RBFOX1: variants seen among roughly 807,000 people sequenced by gnomAD.
RBFOX1 encodes the protein RNA binding fox-1 homolog 1.
A neutral mutation model predicts 57.7 loss-of-function variants in RBFOX1; 8 were observed. The ratio of observed to expected loss-of-function variants is 0.14; its 90% confidence interval spans 0.08 to 0.25. The LOEUF is 0.25. RBFOX1 is among the 10% of genes least tolerant of loss of function. The pLI, the probability that RBFOX1 is intolerant of heterozygous loss-of-function variation, is 1.00. For synonymous variants in RBFOX1, 326 were observed against 222.4 expected (o/e 1.47, Z -4.15); for missense variants, 611 against 548.5 (o/e 1.11, Z -1.14).
chr16:7,063,691 A>G (rs1039408750), intron 4 of RBFOX1, among the ~76,000 whole-genome samples: 6 of 151,812 alleles, frequency 4.0e-5, no homozygotes, highest in Non-Finnish European at 7.4e-5. Flanking sequence ...CTGTGCTTCA[A>G]ATATATTTAG....
intron 1 of RBFOX1, among the ~76,000 whole-genome samples, chr16:5,370,930 G>C (rs1010317022): frequency 3.3e-5 from 5 of 152,176 alleles, no homozygotes; most frequent in Admixed American, 1.3e-4. Flanking sequence ...AAATTCACAT[G>C]TTGAATCCCT....
chr16:5,961,405 G>C lies in RBFOX1; in HGVS notation c.351+94070G>C, dbSNP rs527790956. On this transcript the variant is annotated intron_variant, in intron 4 of 19. Transcript: ENST00000641259. ...GCCAGAACCTAAATTCGGGTGGTGG[G>C]ACAGAAATTCTTAACCCTTACTTCA... Among the ~76,000 whole-genome samples the C allele has an allele frequency of 2.6e-5, 4 of 151,992 alleles. No individual in the cohort carries two copies. The South Asian group carries it at 8.3e-4, about 32-fold the overall frequency.
At chr16:6,777,310 A>T (rs2154219743) in intron 3 of RBFOX1, among the ~76,000 whole-genome samples, 1 of 152,284 alleles carries the variant, frequency 6.6e-6, no homozygotes, top group East Asian at 1.9e-4. Context: ...ACTGCATTTT[A>T]GCAAGGTATT....
At chr16:5,744,738 C>T (rs990301204) in intron 3 of RBFOX1, among the ~76,000 whole-genome samples, 3 of 152,060 alleles carry the variant, frequency 2.0e-5, no homozygotes, top group Admixed American at 6.6e-5. Context: ...GATTAAGTGA[C>T]GTGATTGTGA....
At chr16:7,144,209 A>C (rs2074425381) in intron 4 of RBFOX1, among the ~76,000 whole-genome samples, 1 of 152,124 alleles carries the variant, frequency 6.6e-6, no homozygotes, top group Non-Finnish European at 1.5e-5. Context: ...TCTCCTCTTA[A>C]AGATTTCCTC....
intron 2 of RBFOX1, among the ~76,000 whole-genome samples, chr16:6,473,643 T>C (rs757957333): frequency 9.2e-5 from 14 of 152,220 alleles, no homozygotes; most frequent in East Asian, 1.9e-4. Flanking sequence ...GGCTATTTAT[T>C]CAGAGCTTGC....
At chr16:5,776,856 A>G (rs961638106) in intron 3 of RBFOX1, among the ~76,000 whole-genome samples, 3 of 152,222 alleles carry the variant, frequency 2.0e-5, no homozygotes, top group African/African-American at 7.2e-5. Context: ...AGTGTTCTAA[A>G]TCAGCATCAT....
At chr16:6,811,873 G>A (rs60229627) in intron 3 of RBFOX1, among the ~76,000 whole-genome samples, 8,208 of 152,194 alleles carry the variant, frequency 0.054, 273 homozygotes, top group Middle Eastern at 0.095. Flanking sequence ...TGGGCAACAC[G>A]AGTGAAACTC....
intron 1 of RBFOX1, among the ~76,000 whole-genome samples, chr16:6,115,784 C>G (rs577257326): frequency 3.3e-5 from 5 of 152,238 alleles, no homozygotes; most frequent in Non-Finnish European, 7.4e-5. Context: ...TTCCCCAATC[C>G]CTGGTCTACA....
At chr16:7,208,162 A>G (rs774514949) in intron 4 of RBFOX1, among the ~76,000 whole-genome samples, 7 of 152,154 alleles carry the variant, frequency 4.6e-5, no homozygotes, top group Non-Finnish European at 8.8e-5. Context: ...GGAGGCAGGT[A>G]TCTTACTTGG....
At chr16:6,806,375 G>T (rs1474297842) in intron 3 of RBFOX1, among the ~76,000 whole-genome samples, 1 of 152,114 alleles carries the variant, frequency 6.6e-6, no homozygotes, top group Non-Finnish European at 1.5e-5. Flanking sequence ...TGAGAAACTG[G>T]TCTGTAATAA....
chr16:6,507,099 T>G (rs1057096940), intron 2 of RBFOX1, among the ~76,000 whole-genome samples: 1 of 152,104 alleles, frequency 6.6e-6, no homozygotes, highest in African/African-American at 2.4e-5. Flanking sequence ...ATCCCAAGTC[T>G]CCGCTTCTGA....
chr16:7,296,388 G>A (rs1364312331), intron 4 of RBFOX1, among the ~76,000 whole-genome samples: 1 of 151,428 alleles, frequency 6.6e-6, no homozygotes, highest in Non-Finnish European at 1.5e-5. Flanking sequence ...AAATTTAAAA[G>A]CTGTTAATTT....
intron 4 of RBFOX1, among the ~76,000 whole-genome samples, chr16:7,056,203 C>T (rs1285698480): frequency 1.3e-5 from 2 of 152,156 alleles, no homozygotes; most frequent in African/African-American, 4.8e-5. Flanking sequence ...GGGCATCAGC[C>T]AGTTACTCCC....
intron 4 of RBFOX1, among the ~76,000 whole-genome samples, chr16:7,283,544 C>A (rs1002796981): frequency 3.3e-5 from 5 of 152,072 alleles, no homozygotes; most frequent in African/African-American, 1.2e-4. Flanking sequence ...TCTGTGTTGG[C>A]CAGGGAAACA....
intron 3 of RBFOX1, among the ~76,000 whole-genome samples, chr16:6,730,308 G>C (rs1603468569): frequency 1.3e-5 from 2 of 152,202 alleles, no homozygotes; most frequent in East Asian, 3.9e-4. Flanking sequence ...AGAATCCCTT[G>C]AATCTCATTC....
intron 5 of RBFOX1, among the ~76,000 whole-genome samples, chr16:7,550,396 G>T (rs973220322): frequency 6.6e-6 from 1 of 152,114 alleles, no homozygotes; most frequent in South Asian, 2.1e-4. Context: ...ATGCCCAGAG[G>T]GGGACCTTTA....
At position 6,024,555 on chromosome 16, in the gene RBFOX1, C is replaced by T. The variant is rs910636753; in HGVS notation, c.-127+4563C>T. On this transcript the variant is annotated intron_variant, in intron 1 of 15. Transcript: ENST00000550418. ...CCAGGCTGTAGTACAGTGGTGTGAT[C>T]TCATCTCACTGCCACCTCCACCTCC... 2.0e-5 allele frequency among the ~76,000 whole-genome samples: 3 copies of T among 152,234 alleles called. No individual in the cohort carries two copies. In the East Asian group the frequency reaches 5.8e-4, roughly 29 times the overall value.
chr16:7,523,083 C>G lies in RBFOX1; in HGVS notation c.270+4694C>G, dbSNP rs750006218. Among the ~76,000 whole-genome samples, 80 of 152,316 alleles carry G rather than the reference C, an allele frequency of 5.3e-4. 1 individual carries two copies. The highest frequency in any genetic ancestry group is 3.4e-3 in the Middle Eastern group (1 of 294). ...TTCTAGAATTTTATATCAGTAACCT[C>G]AAACATTATGTGCTCTCTTTGTCTG... On this transcript the variant is annotated intron_variant, in intron 5 of 15. Transcript: ENST00000550418.
Sources: gnomAD v4.1 joint callset for allele counts (sites outside exome capture counted in the v4.1 genomes callset) on GRCh38, gnomAD v4.1.1 for gene constraint, MANE v1.5 for transcripts, NCBI Gene and HGNC (gene_info 2026-07-23, HGNC 2026-07-21) for gene names.